SLC35B4: variants seen among roughly 807,000 people sequenced by gnomAD.
The protein encoded by SLC35B4 is nucleotide sugar transporter SLC35B4.
A neutral mutation model predicts 39.5 loss-of-function variants in SLC35B4; 28 were observed. That is an observed-to-expected ratio of 0.71 (90% confidence interval 0.53 to 0.97). The LOEUF (loss-of-function observed/expected upper bound fraction) is 0.97, where lower values mean the gene tolerates loss of function less well. Among genes scored for constraint, SLC35B4 ranks in the 50% least tolerant of loss-of-function variants. The probability of loss-of-function intolerance (pLI) is 0.00; values close to 1 mark genes in which losing one functional copy is unlikely to be tolerated. For synonymous variants in SLC35B4, 145 were observed against 150.4 expected (o/e 0.96, Z 0.26); for missense variants, 334 against 414.3 (o/e 0.81, Z 1.68).
upstream of SLC35B4, among the ~76,000 whole-genome samples, chr7:134,320,235 G>A (rs1253738872): frequency 6.6e-6 from 1 of 152,194 alleles, no homozygotes; most frequent in Non-Finnish European, 1.5e-5. Flanking sequence ...GTCAGATGTA[G>A]GCTGGGGTTG....
chr7:134,296,926 T>C (rs1803481609), intron 8 of SLC35B4, among the ~76,000 whole-genome samples: 1 of 152,214 alleles, frequency 6.6e-6, no homozygotes, highest in Non-Finnish European at 1.5e-5. Context: ...TCAAAACTTA[T>C]TAATTTATTT....
Position 134,306,615 on chromosome 7 carries a change from G to A in SLC35B4, c.294+57C>T, listed in dbSNP as rs879424418. On this transcript the variant is annotated intron_variant, in intron 3 of 9. Transcript: ENST00000378509. ...TTCTAGTTCTGCCATATATTCAATC[G>A]ATCTACTTAACTATACTTTTCAGAG... 5.7e-6 allele frequency: 8 copies of A among 1,400,882 alleles called. No homozygotes were observed. The Admixed American group carries it at 7.5e-5, about 13-fold the overall frequency. 86.8% of individuals were successfully genotyped at this position (1,400,882 alleles called of 1,614,324 possible). A position where few individuals can be genotyped will look rare whatever the true frequency, so the allele number is the denominator to read the frequency against.
intron 3 of SLC35B4, 24 bp from the exon 4 acceptor site, chr7:134,304,878 A>C: frequency 1.3e-6 from 2 of 1,599,544 alleles, no homozygotes; most frequent in Non-Finnish European, 1.7e-6. Flanking sequence ...CAACAGTAAC[A>C]GAGAGGTTTA....
rs1465257981 is a variant in SLC35B4 at position 134,291,101 on chromosome 7, T to C, written c.*3732A>G. On this transcript the variant is annotated 3_prime_UTR_variant, in exon 10 of 10. Transcript: ENST00000378509. ...AAATAAGAGAGTATTGTTTCCCAAA[T>C]AGAGAAGGGAATGGTGGTAGAGATT... 1 of 152,130 alleles carries C rather than the reference T, an allele frequency of 6.6e-6. No individual in the cohort carries two copies. Among genetic ancestry groups the C allele is most frequent in the African/African-American group, 2.4e-5 (1 of 41,432 alleles). 9.4% of individuals were successfully genotyped at this position (152,130 alleles called of 1,614,324 possible).
At chr7:134,317,021 T>A, upstream of SLC35B4, 1 of 460,110 alleles carries the variant, frequency 2.2e-6, no homozygotes, top group Non-Finnish European at 3.9e-6. Flanking sequence ...GCCGTGCACC[T>A]TTACCTCAGG....
chr7:134,304,253 T>C (rs1158068775), intron 4 of SLC35B4, among the ~76,000 whole-genome samples: 2 of 152,002 alleles, frequency 1.3e-5, no homozygotes, highest in African/African-American at 2.4e-5. Flanking sequence ...TAGCCGGGCA[T>C]GGTGGCACAT....
chr7:134,311,796 GGAGAAATAC>G (rs1179139114), intron 1 of SLC35B4, among the ~76,000 whole-genome samples: 1 of 152,198 alleles, frequency 6.6e-6, no homozygotes, highest in African/African-American at 2.4e-5. Context: ...CAGCCAGGTT[GGAGAAATAC>G]CAGTCAAGGT....
At position 134,306,789 on chromosome 7, in the gene SLC35B4, G is replaced by C; in HGVS notation, c.192-15C>G. ...TGGCATAGTACCTGAAATGCAGACAGAACAGCTCATCAAACAGAATCTAGG... is the reference window on the plus strand; with the variant it reads ...TGGCATAGTACCTGAAATGCAGACACAACAGCTCATCAAACAGAATCTAGG... On this transcript the variant is annotated splice_polypyrimidine_tract_variant and intron_variant, in intron 2 of 9. Transcript: ENST00000378509. The C allele has an allele frequency of 6.3e-7, 1 of 1,578,826 alleles. No individual in the cohort carries two copies. Among genetic ancestry groups the C allele is most frequent in the Non-Finnish European group, 8.7e-7 (1 of 1,152,288 alleles).
intron 1 of SLC35B4, among the ~76,000 whole-genome samples, chr7:134,314,886 G>A (rs1646694): frequency 0.073 from 10,670 of 145,734 alleles, 941 homozygotes; most frequent in African/African-American, 0.23. Context: ...TCCTTTAAAA[G>A]TGTATCAGAT....
Position 134,306,776 on chromosome 7 carries a change from T to G in SLC35B4, c.192-2A>C. 1.2e-6 allele frequency: 2 copies of G among 1,607,954 alleles called. No homozygotes were observed. Among genetic ancestry groups the G allele is most frequent in the Non-Finnish European group, 1.7e-6 (2 of 1,174,958 alleles). ...ATGGTCACCATTATGGCATAGTACC[T>G]GAAATGCAGACAGAACAGCTCATCA... On this transcript the variant is annotated splice_acceptor_variant, in intron 2 of 9. Coordinates refer to ENST00000378509, the MANE Select transcript of SLC35B4 (RefSeq NM_032826.5). LOFTEE classifies it high-confidence loss of function.
intron 3 of SLC35B4, among the ~76,000 whole-genome samples, chr7:134,305,829 C>A (rs1803697150): frequency 1.3e-5 from 2 of 152,122 alleles, no homozygotes; most frequent in Non-Finnish European, 2.9e-5. Context: ...TGCCACCACG[C>A]CCAGCTAATT....
intron 1 of SLC35B4, among the ~76,000 whole-genome samples, chr7:134,315,126 G>A (rs1374455620): frequency 6.6e-6 from 1 of 152,148 alleles, no homozygotes; most frequent in Non-Finnish European, 1.5e-5. Context: ...AGAACTGGAT[G>A]ACCAAAATCT....
Position 134,291,717 on chromosome 7 carries a change from G to A in SLC35B4, c.*3116C>T, listed in dbSNP as rs1803332736. 2 of 152,168 alleles carry A rather than the reference G, an allele frequency of 1.3e-5. No individual in the cohort carries two copies. Among genetic ancestry groups the A allele is most frequent in the South Asian group, 2.1e-4 (1 of 4,826 alleles). 9.4% of individuals were successfully genotyped at this position (152,168 alleles called of 1,614,324 possible). A position where few individuals can be genotyped will look rare whatever the true frequency, so the allele number is the denominator to read the frequency against. On this transcript the variant is annotated 3_prime_UTR_variant, in exon 10 of 10. Coordinates refer to ENST00000378509, the MANE Select transcript of SLC35B4 (RefSeq NM_032826.5). ...AACTAAAAACAAAGTATTTGGATTT[G>A]TCTAAATACTTTAGAACTTGATATA...
rs192361231 is a variant in SLC35B4 at position 134,305,828 on chromosome 7, G to A, written c.294+844C>T. 7.5e-3 allele frequency among the ~76,000 whole-genome samples: 1,148 copies of A among 152,126 alleles called. 35 individuals carry two copies. Among genetic ancestry groups the A allele is most frequent in the Non-Finnish European group, 5.6e-3 (380 of 67,982 alleles). On this transcript the variant is annotated intron_variant, in intron 3 of 9. Transcript: ENST00000378509. ...TGGGATTACAGGCGTGTGCCACCAC[G>A]CCCAGCTAATTTTGTATTTTTAGTA...
chr7:134,295,689 G>A (rs1388804398), intron 9 of SLC35B4, among the ~76,000 whole-genome samples: 1 of 151,924 alleles, frequency 6.6e-6, no homozygotes, highest in Non-Finnish European at 1.5e-5. Context: ...GGGCTTGAGC[G>A]ATCCTCCCAC....
intron 8 of SLC35B4, among the ~76,000 whole-genome samples, chr7:134,296,864 G>C (rs1347840942): frequency 2.6e-5 from 4 of 152,204 alleles, no homozygotes; most frequent in Non-Finnish European, 5.9e-5. Context: ...AGTAATTACA[G>C]AATTCCAAAG....
intron 1 of SLC35B4, among the ~76,000 whole-genome samples, chr7:134,311,809 T>A (rs1000714120): frequency 6.6e-6 from 1 of 152,176 alleles, no homozygotes; most frequent in African/African-American, 2.4e-5. Context: ...GAAATACCAG[T>A]CAAGGTGCAG....
chr7:134,293,837 G>A lies in SLC35B4; in HGVS notation c.*996C>T, dbSNP rs964390449. 2.0e-5 allele frequency: 3 copies of A among 150,972 alleles called. No individual in the cohort carries two copies. Among genetic ancestry groups the A allele is most frequent in the Non-Finnish European group, 4.4e-5 (3 of 68,268 alleles). 9.4% of individuals were successfully genotyped at this position (150,972 alleles called of 1,614,324 possible). On this transcript the variant is annotated 3_prime_UTR_variant, in exon 10 of 10. Transcript: ENST00000378509. ...AGATAGAGTCTCACTCTGTCACCCA[G>A]GCGGGAGTGCAGTAGCACGACCTCA...
chr7:134,291,091 G>T lies in SLC35B4; in HGVS notation c.*3742C>A, dbSNP rs1206524354. ...AAAAATAGCAAAATAAGAGAGTATT[G>T]TTTCCCAAATAGAGAAGGGAATGGT... is the stretch of plus-strand genomic sequence containing the variant. On this transcript the variant is annotated 3_prime_UTR_variant, in exon 10 of 10. Coordinates refer to ENST00000378509, the MANE Select transcript of SLC35B4 (RefSeq NM_032826.5). The T allele has an allele frequency of 6.6e-6, 1 of 152,184 alleles. No individual in the cohort carries two copies. Among genetic ancestry groups the T allele is most frequent in the Non-Finnish European group, 1.5e-5 (1 of 68,032 alleles). The allele number at this position is 152,184 out of a possible 1,614,324, so 9.4% of individuals were successfully genotyped here. A position where few individuals can be genotyped will look rare whatever the true frequency, so the allele number is the denominator to read the frequency against.
Sources: allele counts gnomAD v4.1 joint callset (sites outside exome capture counted in the v4.1 genomes callset), GRCh38; gene constraint gnomAD v4.1.1; transcripts MANE v1.5; gene names NCBI Gene and HGNC (gene_info 2026-07-23, HGNC 2026-07-21).